Variants in DDX10 observed in about 807,000 individuals in gnomAD.
DDX10 encodes the protein probable ATP-dependent RNA helicase DDX10.
A neutral mutation model predicts 104.3 loss-of-function variants in DDX10; 74 were observed. The ratio of observed to expected loss-of-function variants is 0.71; its 90% CI spans 0.59 to 0.86. The LOEUF is 0.86. Ranked by LOEUF, DDX10 falls within the 40% of genes least tolerant of loss-of-function variation. The pLI, the probability that DDX10 is intolerant of heterozygous loss-of-function variation, is 0.00. For missense variants in DDX10, 952 were observed against 1,040.0 expected, an observed-to-expected ratio of 0.92 and a Z score of 1.16; for synonymous variants, 351 against 353.4, an observed-to-expected ratio of 0.99 and a Z score of 0.08.
At chr11:108,843,493 C>T (rs1565296036) in intron 15 of DDX10, among the ~76,000 whole-genome samples, 1 of 150,702 alleles carries the variant, frequency 6.6e-6, no homozygotes, top group Non-Finnish European at 1.5e-5. Flanking sequence ...GGCGCGGTGG[C>T]TCACACCTGT....
intron 13 of DDX10, among the ~76,000 whole-genome samples, chr11:108,787,009 T>TC (rs1321048461): frequency 1.3e-5 from 2 of 152,152 alleles, no homozygotes; most frequent in Admixed American, 1.3e-4. Context: ...TGTTTAGCAC[T>TC]CCCTTTAGGA....
chr11:108,710,616 G>C (rs2094283088), intron 10 of DDX10, among the ~76,000 whole-genome samples: 1 of 152,052 alleles, frequency 6.6e-6, no homozygotes, highest in South Asian at 2.1e-4. Flanking sequence ...CTTCCTGAGG[G>C]ACCTGCCTGA....
Position 108,865,047 on chromosome 11 carries a change from T to A in DDX10, c.2304+12838T>A, listed in dbSNP as rs1862990709. Among the ~76,000 whole-genome samples, 3 of 152,196 alleles carry A rather than the reference T, an allele frequency of 2.0e-5. No homozygotes were observed. The South Asian group carries it at 6.2e-4, about 32-fold the overall frequency. The stretch of plus-strand genomic sequence containing the variant: ...GAGAGGTATGTTGCCAAGAGCCTTG[T>A]AAAACACAAGGAGCAGCAGGATTTG... On this transcript the variant is annotated intron_variant, in intron 16 of 17. Transcript: ENST00000322536.
At chr11:108,909,131 G>T (rs1863634280) in intron 16 of DDX10, among the ~76,000 whole-genome samples, 1 of 152,138 alleles carries the variant, frequency 6.6e-6, no homozygotes, top group South Asian at 2.1e-4. Context: ...GGTAGAGGCT[G>T]GTTACCAGAA....
chr11:108,893,545 A>ATG (rs1365654215), intron 16 of DDX10, among the ~76,000 whole-genome samples: 1 of 151,918 alleles, frequency 6.6e-6, no homozygotes, highest in Non-Finnish European at 1.5e-5. Flanking sequence ...ATTATGCACC[A>ATG]TGTTTGTGTT....
At chr11:108,741,683 A>G (rs182471696) in intron 13 of DDX10, among the ~76,000 whole-genome samples, 12 of 152,254 alleles carry the variant, frequency 7.9e-5, no homozygotes, top group African/African-American at 2.9e-4. Context: ...AGTTTATCAG[A>G]TCAAGGAGCT....
chr11:108,891,878 G>C (rs1007405798), intron 16 of DDX10, among the ~76,000 whole-genome samples: 16 of 141,232 alleles, frequency 1.1e-4, no homozygotes, highest in Non-Finnish European at 1.8e-4. Flanking sequence ...TAACAGGGTA[G>C]TATAAAAATC....
intron 16 of DDX10, among the ~76,000 whole-genome samples, chr11:108,895,035 A>G (rs2134643149): frequency 6.6e-6 from 1 of 152,146 alleles, no homozygotes; most frequent in East Asian, 1.9e-4. Context: ...AAATAAAAAG[A>G]TGGAATTTTA....
At chr11:108,746,062 A>G (rs1022150970) in intron 13 of DDX10, among the ~76,000 whole-genome samples, 33 of 152,158 alleles carry the variant, frequency 2.2e-4, no homozygotes, top group African/African-American at 6.3e-4. Context: ...TTAAGCTATT[A>G]CCTCATAATC....
At chr11:108,681,654 A>C (rs1392894805) in intron 6 of DDX10, among the ~76,000 whole-genome samples, 2 of 152,260 alleles carry the variant, frequency 1.3e-5, no homozygotes, top group African/African-American at 4.8e-5. Context: ...GAGCATACTT[A>C]GAAAAAGTAT....
At chr11:108,791,132 T>C (rs965716697) in intron 13 of DDX10, among the ~76,000 whole-genome samples, 5 of 152,236 alleles carry the variant, frequency 3.3e-5, no homozygotes, top group African/African-American at 9.6e-5. Context: ...ATAAAAAGTG[T>C]CTTGGCTTCT....
intron 16 of DDX10, among the ~76,000 whole-genome samples, chr11:108,897,109 A>G (rs1458482124): frequency 6.6e-6 from 1 of 152,158 alleles, no homozygotes; most frequent in Non-Finnish European, 1.5e-5. Flanking sequence ...ACTCAACACC[A>G]AAAACAATAA....
chr11:108,872,331 CTA>C (rs1195718402), intron 16 of DDX10, among the ~76,000 whole-genome samples: 1 of 152,152 alleles, frequency 6.6e-6, no homozygotes, highest in Non-Finnish European at 1.5e-5. Flanking sequence ...ATCTTCCTGT[CTA>C]TAAAACAAGC....
Position 108,679,474 on chromosome 11 carries a change from A to G in DDX10, c.762A>G (p.Ala254=). The G allele has an allele frequency of 6.2e-7, 1 of 1,614,016 alleles. No homozygotes were observed. The highest frequency in any genetic ancestry group is 8.5e-7 in the Non-Finnish European group (1 of 1,179,992). The change falls in exon 6 of 18, where the codon GCA becomes GCG. Residue 254 remains alanine, a synonymous_variant. Coordinates refer to ENST00000322536, the MANE Select transcript of DDX10 (RefSeq NM_004398.4). ...AACGTCAGACTTTACTTTTCTCAGC[A>G]ACACAAACTAAATCTGTAAAGGACC... ...PKKRQTLLFS[A]TQTKSVKDLA...
chr11:108,784,319 A>C (rs1298236835), intron 13 of DDX10, among the ~76,000 whole-genome samples: 10 of 151,654 alleles, frequency 6.6e-5, no homozygotes, highest in Admixed American at 3.9e-4. Flanking sequence ...TATTTTTTTG[A>C]CTTTTTTAGT....
At chr11:108,696,686 A>AG (rs2094260326) in intron 9 of DDX10, among the ~76,000 whole-genome samples, 1 of 152,126 alleles carries the variant, frequency 6.6e-6, no homozygotes, top group African/African-American at 2.4e-5. Flanking sequence ...GCATTGGGCC[A>AG]GGGGTGTAGG....
chr11:108,682,004 ATTAT>A (rs1208283146), intron 6 of DDX10, among the ~76,000 whole-genome samples: 1 of 152,056 alleles, frequency 6.6e-6, no homozygotes, highest in Non-Finnish European at 1.5e-5. Flanking sequence ...AGATAAATTA[ATTAT>A]TTATTTGTAA....
chr11:108,815,525 T>C (rs1172213760), intron 13 of DDX10, among the ~76,000 whole-genome samples: 2 of 152,322 alleles, frequency 1.3e-5, no homozygotes, highest in East Asian at 3.9e-4. Flanking sequence ...AAGTGGACCC[T>C]CAAAAGTCAA....
intron 13 of DDX10, among the ~76,000 whole-genome samples, chr11:108,816,332 CT>C (rs1862254788): frequency 6.6e-6 from 1 of 152,168 alleles, no homozygotes; most frequent in South Asian, 2.1e-4. Flanking sequence ...TTGTAAACTT[CT>C]TTTAACTAGT....
Sources: allele counts gnomAD v4.1 joint callset (sites outside exome capture counted in the v4.1 genomes callset), GRCh38; gene constraint gnomAD v4.1.1; transcripts MANE v1.5; gene names NCBI Gene and HGNC (gene_info 2026-07-23, HGNC 2026-07-21).